Variants in ROBO1 observed in about 807,000 individuals in gnomAD.
ROBO1 encodes the protein roundabout homolog 1.
Under a neutral mutation model 195.9 loss-of-function variants are expected in ROBO1, and 149 were observed. That is an observed-to-expected ratio of 0.76 (90% CI 0.67 to 0.87). The LOEUF is 0.87. Ranked by LOEUF, ROBO1 falls within the 40% of genes least tolerant of loss-of-function variation. The pLI, the probability that ROBO1 is intolerant of heterozygous loss-of-function variation, is 0.00. For synonymous variants in ROBO1, 816 were observed against 733.2 expected (o/e 1.11, Z -1.82); for missense variants, 1,933 against 2,068.3 (o/e 0.93, Z 1.27).
At chr3:78,704,906 C>T (rs925832329) in intron 8 of ROBO1, among the ~76,000 whole-genome samples, 1 of 152,150 alleles carries the variant, frequency 6.6e-6, no homozygotes, top group African/African-American at 2.4e-5. Flanking sequence ...TGATTATTTT[C>T]AAAGTTGCTA....
chr3:79,500,117 CTCTTTTTTT>C (rs1559944110), intron 2 of ROBO1, among the ~76,000 whole-genome samples: 2 of 110,616 alleles, frequency 1.8e-5, no homozygotes, highest in African/African-American at 3.6e-5. Flanking sequence ...AGTAAGTTTT[CTCTTTTTTT>C]TTTTTTTTTT....
intron 1 of ROBO1, among the ~76,000 whole-genome samples, chr3:79,676,552 T>C (rs1434910796): frequency 6.6e-6 from 1 of 152,080 alleles, no homozygotes; most frequent in Non-Finnish European, 1.5e-5. Flanking sequence ...CTCTGGTTTC[T>C]TAAGAGTTTC....
chr3:78,858,666 C>T (rs1201364257), intron 4 of ROBO1, among the ~76,000 whole-genome samples: 1 of 151,516 alleles, frequency 6.6e-6, no homozygotes, highest in Non-Finnish European at 1.5e-5. Flanking sequence ...GGGAGGATTG[C>T]TTGAGAACGG....
chr3:79,436,258 A>G (rs1027790895), intron 2 of ROBO1, among the ~76,000 whole-genome samples: 2 of 152,176 alleles, frequency 1.3e-5, no homozygotes, highest in African/African-American at 4.8e-5. Flanking sequence ...TTAAAAGACT[A>G]AAGTATTTTT....
intron 2 of ROBO1, among the ~76,000 whole-genome samples, chr3:79,382,339 T>C (rs1017889942): frequency 3.3e-5 from 5 of 152,142 alleles, no homozygotes; most frequent in African/African-American, 1.2e-4. Flanking sequence ...GAAATAGTGA[T>C]GAAGTTATAA....
At chr3:79,470,865 G>A (rs925901870) in intron 2 of ROBO1, among the ~76,000 whole-genome samples, 15 of 152,150 alleles carry the variant, frequency 9.9e-5, no homozygotes, top group South Asian at 6.2e-4. Flanking sequence ...CCAGTCTTGC[G>A]TTTGTCTTTA....
intron 4 of ROBO1, among the ~76,000 whole-genome samples, chr3:78,925,982 T>G (rs2039194176): frequency 6.6e-6 from 1 of 152,046 alleles, no homozygotes; most frequent in African/African-American, 2.4e-5. Context: ...GCAACTCTCC[T>G]GCCTCAGCCT....
At chr3:78,630,725 A>T (rs1424758751) in intron 25 of ROBO1, among the ~76,000 whole-genome samples, 1 of 152,186 alleles carries the variant, frequency 6.6e-6, no homozygotes, top group Non-Finnish European at 1.5e-5. Context: ...TTACATTTCT[A>T]CAGAGTTCTC....
intron 2 of ROBO1, among the ~76,000 whole-genome samples, chr3:79,521,627 C>G (rs1941213574): frequency 6.6e-6 from 1 of 152,058 alleles, no homozygotes; most frequent in Admixed American, 6.6e-5. Context: ...AAGACAAATC[C>G]CACACAAAAG....
intron 4 of ROBO1, among the ~76,000 whole-genome samples, chr3:78,762,203 T>C (rs2083122850): frequency 6.6e-6 from 1 of 152,056 alleles, no homozygotes; most frequent in African/African-American, 2.4e-5. Context: ...AATGCATAAG[T>C]ATTTTTAATT....
At chr3:79,306,915 T>G (rs1440078302) in intron 2 of ROBO1, among the ~76,000 whole-genome samples, 3 of 152,250 alleles carry the variant, frequency 2.0e-5, no homozygotes, top group Non-Finnish European at 4.4e-5. Flanking sequence ...ATATTTATGA[T>G]GCCAGATTAT....
At chr3:78,767,409 G>GCACT (rs1447490527) in intron 4 of ROBO1, among the ~76,000 whole-genome samples, 2 of 152,068 alleles carry the variant, frequency 1.3e-5, no homozygotes, top group African/African-American at 4.8e-5. Flanking sequence ...GGGATTACAG[G>GCACT]CACTCACTAC....
At chr3:79,475,218 G>A (rs913196293) in intron 2 of ROBO1, among the ~76,000 whole-genome samples, 1 of 151,794 alleles carries the variant, frequency 6.6e-6, no homozygotes, top group Non-Finnish European at 1.5e-5. Flanking sequence ...ATGCAGGTAT[G>A]TTTTGAATCA....
intron 1 of ROBO1, among the ~76,000 whole-genome samples, chr3:79,610,070 T>C (rs1944609225): frequency 1.3e-5 from 2 of 151,944 alleles, no homozygotes; most frequent in African/African-American, 2.4e-5. Context: ...TAGCTATTTA[T>C]ATTTGAATAG....
At chr3:78,761,146 C>G (rs1000012716) in intron 4 of ROBO1, among the ~76,000 whole-genome samples, 10 of 151,966 alleles carry the variant, frequency 6.6e-5, no homozygotes, top group African/African-American at 2.4e-4. Flanking sequence ...ATGTTAAGAC[C>G]TATGCTTATA....
chr3:79,439,729 C>A (rs904323250), intron 2 of ROBO1, among the ~76,000 whole-genome samples: 6 of 152,088 alleles, frequency 3.9e-5, no homozygotes, highest in Admixed American at 3.9e-4. Context: ...TAATGTAAAT[C>A]TATTTTCTTT....
intron 4 of ROBO1, among the ~76,000 whole-genome samples, chr3:78,812,538 C>T (rs551557013): frequency 3.9e-5 from 6 of 152,202 alleles, no homozygotes; most frequent in Non-Finnish European, 7.4e-5. Flanking sequence ...TTATTTAAAA[C>T]GGAATAAATA....
At chr3:79,427,621 C>A (rs954954777) in intron 2 of ROBO1, among the ~76,000 whole-genome samples, 2 of 152,076 alleles carry the variant, frequency 1.3e-5, no homozygotes, top group Non-Finnish European at 2.9e-5. Flanking sequence ...GAATAGAGAA[C>A]CCTGAAATAA....
intron 2 of ROBO1, among the ~76,000 whole-genome samples, chr3:79,275,283 T>C (rs763444231): frequency 1.3e-5 from 2 of 152,010 alleles, no homozygotes; most frequent in Non-Finnish European, 2.9e-5. Flanking sequence ...TCATTCATCA[T>C]GACCAAGTGG....
Sources: allele counts gnomAD v4.1 joint callset (sites outside exome capture counted in the v4.1 genomes callset), GRCh38; gene constraint gnomAD v4.1.1; transcripts MANE v1.5; gene names NCBI Gene and HGNC (gene_info 2026-07-23, HGNC 2026-07-21).